SGCZ: variants seen among roughly 807,000 people sequenced by gnomAD.
The protein encoded by SGCZ is sarcoglycan zeta.
SGCZ carries 40 observed loss-of-function variants against 41.3 expected under a neutral mutation model. That is an observed-to-expected ratio of 0.97 (90% CI 0.75 to 1.26). The LOEUF (loss-of-function observed/expected upper bound fraction) is 1.26, where lower values mean the gene tolerates loss of function less well. SGCZ is among the 50% of genes most tolerant of loss of function. The probability of loss-of-function intolerance (pLI) is 0.00; values close to 1 mark genes in which losing one functional copy is unlikely to be tolerated. For missense variants in SGCZ, 552 were observed against 369.8 expected, an observed-to-expected ratio of 1.49 and a Z score of -4.04; for synonymous variants, 206 against 137.5, an observed-to-expected ratio of 1.50 and a Z score of -3.49.
Position 14,211,609 on chromosome 8 carries a change from G to T in SGCZ, c.424+25983C>A, listed in dbSNP as rs143930498. Among the ~76,000 whole-genome samples, 418 of 152,170 alleles carry T rather than the reference G, an allele frequency of 2.7e-3. 4 individuals are homozygous for T. Among genetic ancestry groups the T allele is most frequent in the African/African-American group, 9.5e-3 (396 of 41,512 alleles). ...CTCAGGAAACTTAAAATCATGGCAG[G>T]AGCTGAAGGGCAGGGAAGCACGTCT... On this transcript the variant is annotated intron_variant, in intron 4 of 7. Coordinates refer to ENST00000382080, the MANE Select transcript of SGCZ (RefSeq NM_139167.4).
intron 1 of SGCZ, among the ~76,000 whole-genome samples, chr8:14,819,511 A>G (rs2130563307): frequency 6.6e-6 from 1 of 152,266 alleles, no homozygotes; most frequent in Non-Finnish European, 1.5e-5. Flanking sequence ...AAACATGAGA[A>G]GGATAATTAT....
intron 2 of SGCZ, among the ~76,000 whole-genome samples, chr8:14,461,830 G>T (rs901278454): frequency 6.6e-6 from 1 of 152,062 alleles, no homozygotes; most frequent in Non-Finnish European, 1.5e-5. Context: ...AAACGTAGTT[G>T]CTTGCAGTAC....
chr8:14,168,918 T>C (rs1804290768), intron 4 of SGCZ, among the ~76,000 whole-genome samples: 2 of 152,204 alleles, frequency 1.3e-5, no homozygotes, highest in Non-Finnish European at 2.9e-5. Context: ...TTTACAAATA[T>C]AAATTAATTA....
At chr8:14,452,551 A>G (rs1409701052) in intron 2 of SGCZ, among the ~76,000 whole-genome samples, 1 of 152,174 alleles carries the variant, frequency 6.6e-6, no homozygotes, top group East Asian at 1.9e-4. Context: ...GCATGCATAT[A>G]CTTTTTAAGT....
chr8:14,780,099 C>T (rs1264987643), intron 1 of SGCZ, among the ~76,000 whole-genome samples: 2 of 151,956 alleles, frequency 1.3e-5, no homozygotes, highest in Admixed American at 6.6e-5. Flanking sequence ...TACGGCCGGG[C>T]GCAGTGGCTC....
chr8:14,297,324 A>C lies in SGCZ; in HGVS notation c.336+26779T>G, dbSNP rs147517057. On this transcript the variant is annotated intron_variant, in intron 3 of 7. Transcript: ENST00000382080. ...TTAAAATTGTATTTAATAGAGAAAA[A>C]AGATTAATAAACAATGTTTTCTAAG... 5.9e-5 allele frequency among the ~76,000 whole-genome samples: 9 copies of C among 152,280 alleles called. No homozygotes were observed. In the East Asian group the frequency reaches 1.7e-3, roughly 29 times the overall value.
intron 1 of SGCZ, among the ~76,000 whole-genome samples, chr8:14,692,884 G>A (rs184722729): frequency 1.3e-5 from 2 of 152,180 alleles, no homozygotes; most frequent in East Asian, 1.9e-4. Context: ...ACGCGATATC[G>A]AAGATGCAAA....
intron 3 of SGCZ, among the ~76,000 whole-genome samples, chr8:14,252,820 G>A (rs1165580610): frequency 6.6e-6 from 1 of 152,098 alleles, no homozygotes; most frequent in East Asian, 1.9e-4. Context: ...GGGAAATTCT[G>A]ATTTTAGCTT....
At chr8:14,897,766 T>C (rs1278631940) in intron 1 of SGCZ, among the ~76,000 whole-genome samples, 1 of 152,172 alleles carries the variant, frequency 6.6e-6, no homozygotes, top group Non-Finnish European at 1.5e-5. Context: ...TCCTAGCATG[T>C]GTGATGTCTC....
intron 2 of SGCZ, among the ~76,000 whole-genome samples, chr8:14,455,011 T>C (rs541228689): frequency 8.5e-5 from 13 of 152,160 alleles, no homozygotes; most frequent in Non-Finnish European, 1.8e-4. Context: ...AGCAATCAAA[T>C]AGAAGATTAA....
chr8:14,532,461 A>G, intron 2 of SGCZ, among the ~76,000 whole-genome samples: 1 of 152,030 alleles, frequency 6.6e-6, no homozygotes, highest in Middle Eastern at 3.2e-3. Flanking sequence ...AAAGAGACAG[A>G]CACTGAAATG....
At position 14,417,847 on chromosome 8, in the gene SGCZ, A is replaced by C. The variant is rs555679372; in HGVS notation, c.235-93643T>G. On this transcript the variant is annotated intron_variant, in intron 2 of 7. Coordinates refer to ENST00000382080, the MANE Select transcript of SGCZ (RefSeq NM_139167.4). The stretch of plus-strand genomic sequence containing the variant: ...ACATTATACAACTTAAATATATATA[A>C]TTTTTATTTGTCAATTATCTCAATA... 9.9e-5 allele frequency among the ~76,000 whole-genome samples: 15 copies of C among 152,020 alleles called. No homozygotes were observed. The South Asian group carries it at 3.1e-3, about 32-fold the overall frequency.
At position 15,156,057 on chromosome 8, in the gene SGCZ, CAAAAA is replaced by C. The variant is rs67378130; in HGVS notation, c.39+81523_39+81527del. ...TGGGTGACAGAGTGAGATTCCCTCT[CAAAAA>C]AAAAAAAAAAAAATAGAAGAGTGAA... is the stretch of plus-strand genomic sequence containing the variant. On this transcript the variant is annotated intron_variant, in intron 1 of 7. Transcript: ENST00000382080. 9.9e-3 allele frequency among the ~76,000 whole-genome samples: 1,098 copies of C among 110,916 alleles called. 15 individuals carry two copies. The highest frequency in any genetic ancestry group is 0.036 in the African/African-American group (958 of 26,512). 72.8% of individuals were successfully genotyped at this position (110,916 alleles called of 152,430 possible).
At chr8:14,870,319 C>T (rs1804101599) in intron 1 of SGCZ, among the ~76,000 whole-genome samples, 1 of 151,352 alleles carries the variant, frequency 6.6e-6, no homozygotes, top group Admixed American at 6.6e-5. Context: ...GGTGAAACCC[C>T]ATCCCTACTA....
intron 2 of SGCZ, among the ~76,000 whole-genome samples, chr8:14,543,278 C>T (rs1439968898): frequency 6.6e-6 from 1 of 151,936 alleles, no homozygotes; most frequent in Non-Finnish European, 1.5e-5. Flanking sequence ...ATTCAGACTC[C>T]TCCTAGAAAT....
At chr8:14,746,553 T>C (rs925115206) in intron 1 of SGCZ, among the ~76,000 whole-genome samples, 3 of 152,098 alleles carry the variant, frequency 2.0e-5, no homozygotes, top group Admixed American at 2.0e-4. Context: ...GATGTGTAAA[T>C]AAAATAAATA....
chr8:14,382,135 G>A (rs1397783223), intron 2 of SGCZ, among the ~76,000 whole-genome samples: 1 of 143,840 alleles, frequency 7.0e-6, no homozygotes, highest in Non-Finnish European at 1.5e-5. Context: ...CCACAGGGAT[G>A]TACTGTTTGT....
chr8:14,334,624 A>C (rs879901414), intron 2 of SGCZ, among the ~76,000 whole-genome samples: 14 of 151,868 alleles, frequency 9.2e-5, no homozygotes, highest in African/African-American at 3.4e-4. Context: ...TCCCTGATTC[A>C]TTTCCCAGCA....
chr8:14,424,650 T>C (rs1318890496), intron 2 of SGCZ, among the ~76,000 whole-genome samples: 1 of 152,212 alleles, frequency 6.6e-6, no homozygotes, highest in Non-Finnish European at 1.5e-5. Flanking sequence ...CATATTTACA[T>C]GCATGCCGTT....
Sources: allele counts gnomAD v4.1 joint callset (sites outside exome capture counted in the v4.1 genomes callset), GRCh38; gene constraint gnomAD v4.1.1; transcripts MANE v1.5; gene names NCBI Gene and HGNC (gene_info 2026-07-23, HGNC 2026-07-21).